EMC7: variants seen among roughly 807,000 people sequenced by gnomAD.
EMC7 encodes ER membrane protein complex subunit 7, also known as endoplasmic reticulum membrane protein complex subunit 7.
Under a neutral mutation model 24.4 loss-of-function variants are expected in EMC7, and 4 were observed. The ratio of observed to expected loss-of-function variants is 0.16; its 90% confidence interval spans 0.08 to 0.38. The LOEUF is 0.38. Ranked by LOEUF, EMC7 falls within the 10% of genes least tolerant of loss-of-function variation. The probability of loss-of-function intolerance (pLI) is 1.00; values close to 1 mark genes in which losing one functional copy is unlikely to be tolerated. For synonymous variants in EMC7, 106 were observed against 112.0 expected (o/e 0.95, Z 0.34); for missense variants, 221 against 300.6 (o/e 0.74, Z 1.96).
In EMC7 at chr15:34,095,947, C is replaced by G; in HGVS notation, c.304G>C (p.Ala102Pro). 1 of 1,610,896 alleles carries G rather than the reference C, an allele frequency of 6.2e-7. No homozygotes were observed. The highest frequency in any genetic ancestry group is 8.5e-7 in the Non-Finnish European group (1 of 1,177,620). ...ACTCGAACGGGATCAAATCTGTAAG[C>G]TGGAGATACAACTTCCACTACATAA... ...GSYVVEVVSP[A>P]YRFDPVRVDI... is the part of the protein sequence containing the mutation. The change falls in exon 2 of 5, where the codon GCT becomes CCT. Residue 102 changes from alanine (A) to proline (P), a missense_variant. Around this residue, in one of 2 missense-constraint regions of EMC7, gnomAD observed 156 missense variants for 177.1 expected, o/e 0.88. Coordinates refer to ENST00000256545, the MANE Select transcript of EMC7 (RefSeq NM_020154.3).
rs750915064 is a variant in EMC7, at chr15:34,101,782, C to G, written c.58G>C (p.Asp20His). Residue 20 changes from aspartate (D) to histidine (H), a missense_variant, in exon 1 of 5, where the codon GAT becomes CAT. Around this residue, in one of 2 missense-constraint regions of EMC7, gnomAD observed 156 missense variants for 177.1 expected, o/e 0.88. Coordinates refer to ENST00000256545, the MANE Select transcript of EMC7 (RefSeq NM_020154.3). ...PVLLLLLLSGDVQSSEVPGAA... is the reference protein window; with the variant it reads ...PVLLLLLLSGHVQSSEVPGAA... ...CCGGGCACCTCCGAGCTCTGGACAT[C>G]CCCCGATAGCAGCAGCAGCAGCAGG... 2.5e-6 allele frequency: 4 copies of G among 1,613,180 alleles called. No homozygotes were observed. Among genetic ancestry groups the G allele is most frequent in the East Asian group, 2.2e-5 (1 of 44,896 alleles).
chr15:34,090,268 G>A (rs762568508), intron 3 of EMC7, 49 bp downstream of exon 3: 2 of 1,564,048 alleles, frequency 1.3e-6, no homozygotes, highest in Non-Finnish European at 8.6e-7. Flanking sequence ...CCACTGCCTA[G>A]AAGCAAATTA....
At chr15:34,099,908 C>T (rs1267129616) in intron 1 of EMC7, among the ~76,000 whole-genome samples, 2 of 152,272 alleles carry the variant, frequency 1.3e-5, no homozygotes, top group East Asian at 3.9e-4. Flanking sequence ...GGAAATTCTC[C>T]ATCAACCTTT....
At chr15:34,086,492 G>A (rs941225005) in intron 4 of EMC7, among the ~76,000 whole-genome samples, 4 of 151,896 alleles carry the variant, frequency 2.6e-5, no homozygotes, top group South Asian at 2.1e-4. Flanking sequence ...GCAATGGCAC[G>A]ATCTCAGCTC....
At chr15:34,100,156 C>T (rs1901152015) in intron 1 of EMC7, among the ~76,000 whole-genome samples, 1 of 152,150 alleles carries the variant, frequency 6.6e-6, no homozygotes, top group African/African-American at 2.4e-5. Context: ...CACTGGGCAA[C>T]ATAGCAAGAC....
intron 2 of EMC7, 120 bp downstream of exon 2, chr15:34,095,775 A>G (rs1457829799): frequency 2.1e-6 from 2 of 945,788 alleles, no homozygotes; most frequent in African/African-American, 1.7e-5. Flanking sequence ...AAGTGTTTTA[A>G]GGAATAGCTG....
Position 34,084,326 on chromosome 15 carries a change from C to T in EMC7, c.*8G>A, listed in dbSNP as rs201960302. The stretch of plus-strand genomic sequence containing the variant: ...TGTTTGTGCAAATGCCAGCTCTGGA[C>T]GGCCTGACTACCTCCTTTTGCCAGC... On this transcript the variant is annotated 3_prime_UTR_variant, in exon 5 of 5. Coordinates refer to ENST00000256545, the MANE Select transcript of EMC7 (RefSeq NM_020154.3). 71 of 1,610,950 alleles carry T rather than the reference C, an allele frequency of 4.4e-5. No homozygotes were observed. The African/African-American group carries it at 4.5e-4, about 10-fold the overall frequency.
At chr15:34,084,593 G>T in intron 4 of EMC7, 107 bp from the exon 5 acceptor site, 2 of 1,243,306 alleles carry the variant, frequency 1.6e-6, no homozygotes, top group Non-Finnish European at 2.2e-6. Flanking sequence ...GAAAGGTACT[G>T]GTTCTGAGCA....
chr15:34,101,233 A>T (rs1901169220), intron 1 of EMC7, among the ~76,000 whole-genome samples: 1 of 152,176 alleles, frequency 6.6e-6, no homozygotes, highest in Non-Finnish European at 1.5e-5. Flanking sequence ...TGAATGCAAA[A>T]AACGACTAGG....
intron 4 of EMC7, among the ~76,000 whole-genome samples, chr15:34,086,887 C>G (rs2140866758): frequency 6.6e-6 from 1 of 152,310 alleles, no homozygotes; most frequent in Admixed American, 6.5e-5. Flanking sequence ...TTTGAAATAT[C>G]AAAAACCTTT....
chr15:34,093,822 TA>T (rs1171412309), intron 2 of EMC7, among the ~76,000 whole-genome samples: 1 of 17,918 alleles, frequency 5.6e-5, no homozygotes, highest in African/African-American at 1.3e-4. Context: ...TATATATATA[TA>T]TTTTTTTTTT....
rs993177906 is a variant in EMC7 at position 34,085,456 on chromosome 15, C to A, written c.577-970G>T. Among the ~76,000 whole-genome samples, 4 of 152,030 alleles carry A rather than the reference C, an allele frequency of 2.6e-5. No homozygotes were observed. The South Asian group carries it at 8.3e-4, about 31-fold the overall frequency. On this transcript the variant is annotated intron_variant, in intron 4 of 4. Transcript: ENST00000256545. ...GTTCATTCATACATGAAAAAGATAG[C>A]AAATACTATATTATCTATCATTTCT... is the stretch of plus-strand genomic sequence containing the variant.
At chr15:34,098,987 C>A (rs1901132257) in intron 1 of EMC7, among the ~76,000 whole-genome samples, 1 of 151,966 alleles carries the variant, frequency 6.6e-6, no homozygotes, top group African/African-American at 2.4e-5. Flanking sequence ...CTTATTGGAT[C>A]CTGATTTGAA....
At chr15:34,093,806 C>CACACACACACACACACACACATAT (rs61440619) in intron 2 of EMC7, among the ~76,000 whole-genome samples, 4 of 30,250 alleles carry the variant, frequency 1.3e-4, no homozygotes, top group Non-Finnish European at 1.6e-4. Flanking sequence ...CACACACACA[C>CACACACACACACACACACACATAT]ATATATATAT....
chr15:34,101,488 C>T (rs1901172484), intron 1 of EMC7, 116 bp downstream of exon 1: 1 of 1,092,146 alleles, frequency 9.2e-7, no homozygotes, highest in Non-Finnish European at 1.3e-6. Context: ...GTTAGCGGCA[C>T]CCTCCCCTTC....
At chr15:34,093,823 A>ATATATATATTTTT (rs1190830993) in intron 2 of EMC7, among the ~76,000 whole-genome samples, 3 of 48,706 alleles carry the variant, frequency 6.2e-5, no homozygotes, top group African/African-American at 3.3e-4. Context: ...ATATATATAT[A>ATATATATATTTTT]TTTTTTTTTT....
intron 2 of EMC7, among the ~76,000 whole-genome samples, chr15:34,093,583 T>G (rs10152504): frequency 0.66 from 98,962 of 149,452 alleles, 33,555 homozygotes; most frequent in South Asian, 0.78. Context: ...TATTCCCTTT[T>G]GTGTAGCAGC....
At chr15:34,100,576 A>T (rs1180035582) in intron 1 of EMC7, 2 of 152,164 alleles carry the variant, frequency 1.3e-5, no homozygotes, top group Non-Finnish European at 2.9e-5. Flanking sequence ...AATGACAGAC[A>T]GCAGTAAAAT....
Position 34,099,695 on chromosome 15 carries a change from G to A in EMC7, c.236+1909C>T, listed in dbSNP as rs569267588. On this transcript the variant is annotated intron_variant, in intron 1 of 4. Transcript: ENST00000256545. ...ATCACAGCTCACTACAGCCTCAACC[G>A]CCTCGGCTCAAGTGATCCTCCCACC... 1.8e-4 allele frequency among the ~76,000 whole-genome samples: 27 copies of A among 152,180 alleles called. No individual in the cohort carries two copies. In the South Asian group the frequency reaches 3.3e-3, roughly 19 times the overall value.
Sources: allele counts gnomAD v4.1 joint callset (sites outside exome capture counted in the v4.1 genomes callset), GRCh38; gene constraint gnomAD v4.1.1; regional missense constraint gnomAD v4.1.1; transcripts MANE v1.5; gene names NCBI Gene and HGNC (gene_info 2026-07-23, HGNC 2026-07-21).